RANBP2: variants seen among roughly 807,000 people sequenced by gnomAD.
The protein encoded by RANBP2 is RAN binding protein 2, also known as E3 SUMO-protein ligase RanBP2.
In RANBP2, 57 loss-of-function variants were observed where a neutral mutation model predicts 303.6. That is an observed-to-expected ratio of 0.19 (90% CI 0.15 to 0.23). The LOEUF (loss-of-function observed/expected upper bound fraction) is 0.23, where lower values mean the gene tolerates loss of function less well. Ranked by LOEUF, RANBP2 falls within the 10% of genes least tolerant of loss-of-function variation. The pLI is 1.00. For missense variants in RANBP2, 3,138 were observed against 3,780.8 expected, an observed-to-expected ratio of 0.83 and a Z score of 4.46; for synonymous variants, 1,167 against 1,301.5, an observed-to-expected ratio of 0.90 and a Z score of 2.23.
chr2:109,234,621 C>T, the RANBP2 span, among the ~76,000 whole-genome samples: 1 of 152,222 alleles, frequency 6.6e-6, no homozygotes, highest in Admixed American at 6.5e-5. Flanking sequence ...TTCTCATTCA[C>T]GCTGTTAGAT....
At chr2:109,405,214 G>A in the RANBP2 span, among the ~76,000 whole-genome samples, 1 of 152,102 alleles carries the variant, frequency 6.6e-6, no homozygotes, top group Non-Finnish European at 1.5e-5. Context: ...CAACTTCAGC[G>A]CATGCCAGGA....
the RANBP2 span, among the ~76,000 whole-genome samples, chr2:109,218,163 A>G: frequency 1.3e-5 from 2 of 152,052 alleles, no homozygotes; most frequent in Admixed American, 1.3e-4. Context: ...TTAAAAAAAA[A>G]AAATCCTGCC....
the RANBP2 span, among the ~76,000 whole-genome samples, chr2:109,451,231 G>A: frequency 6.6e-6 from 1 of 152,240 alleles, no homozygotes; most frequent in East Asian, 1.9e-4. Flanking sequence ...TCTGTGTTTT[G>A]TGTGTCTGTT....
the RANBP2 span, among the ~76,000 whole-genome samples, chr2:109,692,327 G>A: frequency 6.6e-6 from 1 of 152,126 alleles, no homozygotes; most frequent in East Asian, 1.9e-4. Flanking sequence ...TACAGCAGAG[G>A]GGTGGCACAT....
At chr2:108,757,567 G>A (rs1676409548) in intron 17 of RANBP2, among the ~76,000 whole-genome samples, 1 of 152,142 alleles carries the variant, frequency 6.6e-6, no homozygotes, top group Admixed American at 6.5e-5. Context: ...TCCTGGTGGA[G>A]CATTTGAACA....
the RANBP2 span, among the ~76,000 whole-genome samples, chr2:109,480,047 A>C: frequency 3.9e-5 from 6 of 152,156 alleles, no homozygotes; most frequent in African/African-American, 1.2e-4. Context: ...TGGGTTGAGG[A>C]CAATTGTCTA....
In RANBP2 at chr2:108,763,798, A is replaced by G. The variant is rs933530088; in HGVS notation, c.3259A>G (p.Ile1087Val). Residue 1087 changes from isoleucine (I) to valine (V), a missense_variant, in exon 20 of 29, where the codon ATT becomes GTT. Ile to Val is a conservative substitution (Grantham distance 29). Around this residue, in one of 20 missense-constraint regions of RANBP2, gnomAD observed 403 missense variants for 376.7 expected, o/e 1.07. Transcript: ENST00000283195. ...AGATGGCTATAGTGGAGCCAAACCA[A>G]TTCCTGGTGGTCAAACCATTGGGCC... Reference protein sequence around the residue: ...QGDGYSGAKPIPGGQTIGPRN... With the variant: ...QGDGYSGAKPVPGGQTIGPRN... 3.7e-6 allele frequency: 6 copies of G among 1,614,138 alleles called. No homozygotes were observed. The highest frequency in any genetic ancestry group is 4.2e-6 in the Non-Finnish European group (5 of 1,179,994).
the RANBP2 span, among the ~76,000 whole-genome samples, chr2:109,098,163 G>A: frequency 6.6e-6 from 1 of 152,150 alleles, no homozygotes; most frequent in Non-Finnish European, 1.5e-5. Context: ...TGCAAAGTAG[G>A]TCCAAATCCT....
chr2:108,749,061 G>A lies in RANBP2; in HGVS notation c.1205G>A (p.Gly402Asp), dbSNP rs533671657. The A allele has an allele frequency of 3.1e-6, 5 of 1,611,876 alleles. No individual in the cohort carries two copies. In the African/African-American group the frequency reaches 4.0e-5, roughly 13 times the overall value. The change falls in exon 9 of 29, where the codon GGT becomes GAT. Residue 402 changes from glycine to aspartate, a missense_variant. Around this residue, in one of 20 missense-constraint regions of RANBP2, gnomAD observed 95 missense variants for 86.4 expected, o/e 1.10. Coordinates refer to ENST00000283195, the MANE Select transcript of RANBP2 (RefSeq NM_006267.5). Reference sequence around the variant, plus strand: ...TCACCTAAGGATACATCTTTTCTTGGTAGCGATGATATTGGAAACATTGAT... The same window carrying A: ...TCACCTAAGGATACATCTTTTCTTGATAGCGATGATATTGGAAACATTGAT... Reference protein sequence around the residue: ...SQSPKDTSFLGSDDIGNIDVR... With the variant: ...SQSPKDTSFLDSDDIGNIDVR...
At chr2:109,708,267 T>A in the RANBP2 span, among the ~76,000 whole-genome samples, 1 of 151,894 alleles carries the variant, frequency 6.6e-6, no homozygotes, top group Non-Finnish European at 1.5e-5. Flanking sequence ...ACGCCTGTAG[T>A]CCCAGCTACT....
chr2:109,036,710 T>G, the RANBP2 span, among the ~76,000 whole-genome samples: 2 of 152,062 alleles, frequency 1.3e-5, no homozygotes, highest in African/African-American at 4.8e-5. Flanking sequence ...AGAAAGAGCA[T>G]CTATTTAAAA....
chr2:109,028,846 T>A, the RANBP2 span, among the ~76,000 whole-genome samples: 3 of 152,210 alleles, frequency 2.0e-5, no homozygotes, highest in Admixed American at 6.5e-5. Context: ...ACTCTCAGGA[T>A]CTGTGTGGCT....
chr2:109,658,934 G>A, the RANBP2 span, among the ~76,000 whole-genome samples: 2 of 152,138 alleles, frequency 1.3e-5, no homozygotes, highest in African/African-American at 2.4e-5. Context: ...GTGTGGTGAT[G>A]AGTACCTGTA....
chr2:109,688,422 A>G, the RANBP2 span, among the ~76,000 whole-genome samples: 1 of 152,122 alleles, frequency 6.6e-6, no homozygotes, highest in Admixed American at 6.5e-5. Context: ...GTCCCCTGAC[A>G]TGGGCAGCCT....
At chr2:109,689,863 C>T in the RANBP2 span, among the ~76,000 whole-genome samples, 1 of 151,322 alleles carries the variant, frequency 6.6e-6, no homozygotes, top group Non-Finnish European at 1.5e-5. Flanking sequence ...AATGTTTTTC[C>T]AAAAAAAAGT....
the RANBP2 span, among the ~76,000 whole-genome samples, chr2:109,232,394 C>T: frequency 6.6e-6 from 1 of 152,204 alleles, no homozygotes; most frequent in Admixed American, 6.5e-5. Context: ...TTATCACTAA[C>T]TGTGTTACCT....
the RANBP2 span, among the ~76,000 whole-genome samples, chr2:108,920,532 T>C: frequency 1.3e-5 from 2 of 152,162 alleles, no homozygotes; most frequent in Admixed American, 1.3e-4. Context: ...TCATCTCTTT[T>C]CACCGGGCTA....
chr2:108,780,157 A>ATTAT (rs1243836719), intron 25 of RANBP2, among the ~76,000 whole-genome samples: 4 of 150,328 alleles, frequency 2.7e-5, no homozygotes, highest in Non-Finnish European at 5.9e-5. Context: ...ACTCAACAGT[A>ATTAT]TGAGTTGAAT....
At chr2:109,460,626 C>G in the RANBP2 span, among the ~76,000 whole-genome samples, 1 of 152,218 alleles carries the variant, frequency 6.6e-6, no homozygotes, top group Non-Finnish European at 1.5e-5. Flanking sequence ...TGAGGTCACC[C>G]TTTGGTGAGC....
Sources: allele counts gnomAD v4.1 joint callset (sites outside exome capture counted in the v4.1 genomes callset), GRCh38; gene constraint gnomAD v4.1.1; regional missense constraint gnomAD v4.1.1; transcripts MANE v1.5; gene names NCBI Gene and HGNC (gene_info 2026-07-23, HGNC 2026-07-21).